Variants in SH3RF1 observed in about 807,000 individuals in gnomAD.
The protein encoded by SH3RF1 is SH3 domain containing ring finger 1.
SH3RF1 carries 32 observed loss-of-function variants against 74.0 expected under a neutral mutation model. The ratio of observed to expected loss-of-function variants is 0.43; its 90% CI spans 0.33 to 0.58. The LOEUF is 0.58. SH3RF1 is among the 20% of genes least tolerant of loss of function. The pLI is 0.05. For synonymous variants in SH3RF1, 396 were observed against 439.6 expected (o/e 0.90, Z 1.24); for missense variants, 954 against 1,130.9 (o/e 0.84, Z 2.24).
At chr4:169,130,877 A>G (rs1399839221) in intron 5 of SH3RF1, among the ~76,000 whole-genome samples, 1 of 152,246 alleles carries the variant, frequency 6.6e-6, no homozygotes, top group Non-Finnish European at 1.5e-5. Context: ...GTCCAACTGC[A>G]GAATGCAGTG....
intron 2 of SH3RF1, among the ~76,000 whole-genome samples, chr4:169,172,472 T>C (rs926344209): frequency 6.6e-6 from 1 of 152,382 alleles, no homozygotes; most frequent in Non-Finnish European, 1.5e-5. Context: ...ATTAACTTTA[T>C]ATAATAGCAT....
At chr4:169,245,460 T>C (rs1241685323) in intron 2 of SH3RF1, among the ~76,000 whole-genome samples, 1 of 152,212 alleles carries the variant, frequency 6.6e-6, no homozygotes, top group Admixed American at 6.6e-5. Flanking sequence ...TATAGTCCAC[T>C]AAAATCTACT....
At chr4:169,161,721 T>C (rs1349499804) in intron 2 of SH3RF1, among the ~76,000 whole-genome samples, 2 of 152,250 alleles carry the variant, frequency 1.3e-5, no homozygotes, top group Non-Finnish European at 2.9e-5. Flanking sequence ...AAAATGTGTA[T>C]AATTTAATAA....
intron 2 of SH3RF1, among the ~76,000 whole-genome samples, chr4:169,239,070 C>T (rs1471685309): frequency 6.6e-6 from 1 of 151,222 alleles, no homozygotes; most frequent in Non-Finnish European, 1.5e-5. Flanking sequence ...TGGGTCAATT[C>T]TTAAATATAC....
intron 10 of SH3RF1, 85 bp downstream of exon 10, chr4:169,116,184 A>C: frequency 6.6e-7 from 1 of 1,523,914 alleles, no homozygotes; most frequent in Non-Finnish European, 8.8e-7. Flanking sequence ...GAGTCCTCTC[A>C]TTAGCTAAAA....
At chr4:169,118,839 C>A (rs185561262) in intron 8 of SH3RF1, among the ~76,000 whole-genome samples, 3 of 152,286 alleles carry the variant, frequency 2.0e-5, no homozygotes, top group Admixed American at 6.5e-5. Flanking sequence ...TGTGAAATAA[C>A]TCTCCTGTAT....
intron 4 of SH3RF1, among the ~76,000 whole-genome samples, chr4:169,140,832 T>C (rs1315290781): frequency 1.3e-5 from 2 of 152,144 alleles, no homozygotes; most frequent in East Asian, 1.9e-4. Context: ...CACTACAGGA[T>C]ACAAACAGTA....
chr4:169,131,283 T>C (rs759939053), intron 5 of SH3RF1, among the ~76,000 whole-genome samples: 1 of 152,220 alleles, frequency 6.6e-6, no homozygotes, highest in East Asian at 1.9e-4. Context: ...TATTAGTCTA[T>C]ATATTGATTG....
chr4:169,108,323 G>A (rs1180617317), intron 10 of SH3RF1, among the ~76,000 whole-genome samples: 2 of 152,138 alleles, frequency 1.3e-5, no homozygotes, highest in Admixed American at 1.3e-4. Context: ...TTTTTCTTGG[G>A]AATAATAGCT....
At chr4:169,112,675 C>T (rs1477231322) in intron 10 of SH3RF1, among the ~76,000 whole-genome samples, 1 of 152,012 alleles carries the variant, frequency 6.6e-6, no homozygotes, top group Non-Finnish European at 1.5e-5. Flanking sequence ...ACAAAAAGAT[C>T]AAGAGAAGAG....
intron 2 of SH3RF1, among the ~76,000 whole-genome samples, chr4:169,230,070 G>A (rs988537366): frequency 2.0e-5 from 3 of 152,024 alleles, no homozygotes; most frequent in Non-Finnish European, 4.4e-5. Flanking sequence ...GCCAGGCGTG[G>A]TGGTGCATGC....
chr4:169,193,235 G>T (rs927900423), intron 2 of SH3RF1, among the ~76,000 whole-genome samples: 3 of 152,058 alleles, frequency 2.0e-5, no homozygotes, highest in African/African-American at 7.2e-5. Context: ...CACCACTAAA[G>T]AACTCACTTA....
chr4:169,227,268 A>G (rs1730666295), intron 2 of SH3RF1, among the ~76,000 whole-genome samples: 1 of 152,244 alleles, frequency 6.6e-6, no homozygotes, highest in South Asian at 2.1e-4. Flanking sequence ...ACATCAATCA[A>G]TAACCTATTT....
intron 2 of SH3RF1, among the ~76,000 whole-genome samples, chr4:169,159,395 G>C (rs1734116400): frequency 6.6e-6 from 1 of 152,200 alleles, no homozygotes. Flanking sequence ...GAGATAGAGA[G>C]AGAGAAAGAG....
At chr4:169,250,893 G>A (rs748130523) in intron 2 of SH3RF1, among the ~76,000 whole-genome samples, 4 of 152,158 alleles carry the variant, frequency 2.6e-5, no homozygotes, top group African/African-American at 4.8e-5. Flanking sequence ...AAAGGAGCAA[G>A]CCATGTTGAG....
chr4:169,099,625 A>T (rs1732984205), intron 11 of SH3RF1, among the ~76,000 whole-genome samples: 1 of 152,178 alleles, frequency 6.6e-6, no homozygotes, highest in South Asian at 2.1e-4. Flanking sequence ...TATATTCCCT[A>T]CTTGTTCTCT....
At chr4:169,117,209 TG>T (rs34810279) in intron 9 of SH3RF1, among the ~76,000 whole-genome samples, 10,200 of 152,158 alleles carry the variant, frequency 0.067, 401 homozygotes, top group African/African-American at 0.12. Flanking sequence ...TATCACGCAA[TG>T]TCACATGGAT....
At position 169,269,038 on chromosome 4, in the gene SH3RF1, C is replaced by A; in HGVS notation, c.175G>T (p.Gly59Cys). The A allele has an allele frequency of 1.2e-6, 2 of 1,614,134 alleles. No homozygotes were observed. The highest frequency in any genetic ancestry group is 1.7e-6 in the Non-Finnish European group (2 of 1,180,038). The change falls in exon 2 of 12, where the codon GGT becomes TGT. Residue 59 changes from glycine (G) to cysteine (C), a missense_variant. Gly to Cys is a radical substitution (Grantham distance 159). Around this residue, in one of 3 missense-constraint regions of SH3RF1, gnomAD observed 64 missense variants for 101.9 expected, o/e 0.63. Transcript: ENST00000284637. ...ATGTTACTGGGAAGCTCCTCGACAC[C>A]CGAGCCAACAAGAGTCCTGCACTCG... ...CPECRTLVGS[G>C]VEELPSNILL...
At position 169,165,205 on chromosome 4, in the gene SH3RF1, T is replaced by C. The variant is rs566264593; in HGVS notation, c.394-8526A>G. Among the ~76,000 whole-genome samples the C allele has an allele frequency of 2.0e-5, 3 of 152,262 alleles. No homozygotes were observed. In the South Asian group the frequency reaches 6.2e-4, roughly 32 times the overall value. ...TCCTGGCAAAGAATCTGCCCTTCTC[T>C]TGCCACTGCCCTGCCCTAGGCCTCC... On this transcript the variant is annotated intron_variant, in intron 2 of 11. Coordinates refer to ENST00000284637, the MANE Select transcript of SH3RF1 (RefSeq NM_020870.4).
Sources: gnomAD v4.1 joint callset for allele counts (sites outside exome capture counted in the v4.1 genomes callset) on GRCh38, gnomAD v4.1.1 for gene constraint, gnomAD v4.1.1 regional missense constraint, MANE v1.5 for transcripts, NCBI Gene and HGNC (gene_info 2026-07-23, HGNC 2026-07-21) for gene names.